The following MYH7B variants were observed in gnomAD, a reference collection of about 807,000 sequenced individuals.
MYH7B encodes the protein myosin-7B.
MYH7B carries 205 observed loss-of-function variants against 234.5 expected under a neutral mutation model. The observed-to-expected ratio is 0.87, with a 90% CI of 0.78 to 0.98. MYH7B has a LOEUF of 0.98. MYH7B is among the 50% of genes least tolerant of loss of function. The pLI is 0.00. For synonymous variants in MYH7B, 1,193 were observed against 1,105.0 expected, an observed-to-expected ratio of 1.08 and a Z score of -1.58; for missense variants, 2,652 against 2,633.4, an observed-to-expected ratio of 1.01 and a Z score of -0.15.
At position 35,001,327 on chromosome 20, in the gene MYH7B, G is replaced by A. The variant is rs528021411; in HGVS notation, c.5558G>A (p.Arg1853His). Reference sequence around the variant, plus strand: ...AAGGGCGTGCGCAAGCATGAGCGCCGTGTCAAGGAGCTCGCATACCAGGTG... The same window carrying A: ...AAGGGCGTGCGCAAGCATGAGCGCCATGTCAAGGAGCTCGCATACCAGGTG... Residue 1853 changes from arginine (R) to histidine (H), a missense_variant, in exon 42 of 45, where the codon CGT becomes CAT. This residue lies in a region of MYH7B where 2,279 missense variants were observed against 2,211.4 expected (regional missense o/e 1.03). Coordinates refer to ENST00000262873, the Ensembl canonical transcript of MYH7B. 6.0e-5 allele frequency: 97 copies of A among 1,610,954 alleles called. No individual in the cohort carries two copies. Among genetic ancestry groups the A allele is most frequent in the Middle Eastern group, 1.7e-4 (1 of 6,052 alleles).
At position 34,999,598 on chromosome 20, in the gene MYH7B, TGA is replaced by T; in HGVS notation, c.4570_4571del (p.Leu1525GlnfsTer21). 1 of 1,612,302 alleles carries T rather than the reference TGA, an allele frequency of 6.2e-7. No homozygotes were observed. Among genetic ancestry groups the T allele is most frequent in the East Asian group, 2.2e-5 (1 of 44,840 alleles). The stretch of plus-strand genomic sequence containing the variant: ...GAGATCAGCGACCTCACAGACCAGG[TGA>T]GTCTCAGTGGGAAGAGCATCCAGGA... On this transcript the variant is annotated frameshift_variant, in exon 37 of 45. Transcript: ENST00000262873. LOFTEE classifies it high-confidence loss of function.
In MYH7B at chr20:34,983,022, G is replaced by T. The variant is rs564994400; in HGVS notation, c.624+467G>T. Among the ~76,000 whole-genome samples the T allele has an allele frequency of 2.6e-5, 4 of 152,298 alleles. No individual in the cohort carries two copies. The East Asian group carries it at 7.7e-4, about 29-fold the overall frequency. The stretch of plus-strand genomic sequence containing the variant: ...TTTTGTGCCTTGTGATTTCTGTACA[G>T]TTTTTGGAAATTTCTGAAACAATGG... On this transcript the variant is annotated intron_variant, in intron 10 of 44. Coordinates refer to ENST00000262873, the Ensembl canonical transcript of MYH7B.
intron 2 of MYH7B, among the ~76,000 whole-genome samples, chr20:34,968,885 T>G (rs1327344366): frequency 6.6e-6 from 1 of 152,190 alleles, no homozygotes; most frequent in Non-Finnish European, 1.5e-5. Context: ...CACAAGGGGC[T>G]GGGGGCGGGA....
exon 8 of MYH7B, chr20:34,980,715 C>T (rs1569035987): frequency 6.2e-7 from 1 of 1,614,170 alleles, no homozygotes; most frequent in Admixed American, 1.7e-5. Context: ...CGGACAACGC[C>T]TACAACGACA....
chr20:34,987,060 C>G, intron 15 of MYH7B, 71 bp downstream of exon 15: 1 of 1,607,934 alleles, frequency 6.2e-7, no homozygotes, highest in Non-Finnish European at 8.5e-7. Flanking sequence ...CCGGTGCCCC[C>G]AGCTGCATGA....
intron 2 of MYH7B, among the ~76,000 whole-genome samples, chr20:34,967,106 G>T (rs187158233): frequency 2.0e-5 from 3 of 147,540 alleles, no homozygotes; most frequent in South Asian, 2.2e-4. Flanking sequence ...GCGCGCACCT[G>T]TAGTCCCAGC....
chr20:34,966,740 A>C (rs1284758054), intron 2 of MYH7B, among the ~76,000 whole-genome samples: 1 of 152,138 alleles, frequency 6.6e-6, no homozygotes, highest in Non-Finnish European at 1.5e-5. Flanking sequence ...GCGAATATAC[A>C]ATTATCTCAA....
chr20:34,986,269 A>C (rs1457422349), intron 14 of MYH7B, 71 bp downstream of exon 14: 1 of 1,234,004 alleles, frequency 8.1e-7, no homozygotes, highest in East Asian at 2.5e-5. Context: ...CCTGGCCCCC[A>C]TCAGGCCAGG....
intron 16 of MYH7B, 68 bp downstream of exon 16, chr20:34,987,355 C>A: frequency 6.3e-7 from 1 of 1,581,332 alleles, no homozygotes; most frequent in Non-Finnish European, 8.6e-7. Context: ...TGGTTAACCC[C>A]AACTCTTGTC....
chr20:34,997,971 C>T (rs75939406), intron 32 of MYH7B, among the ~76,000 whole-genome samples: 1,965 of 152,234 alleles, frequency 0.013, 32 homozygotes, highest in African/African-American at 0.045. Flanking sequence ...AACCCCAGCA[C>T]CCTAGCCTTA....
chr20:34,979,627 G>C (rs754471265), intron 6 of MYH7B, 34 bp from the exon 7 acceptor site: 3 of 1,613,098 alleles, frequency 1.9e-6, no homozygotes, highest in East Asian at 2.2e-5. Context: ...GGTTCCTCCC[G>C]GTCCCCCGGC....
At chr20:34,992,229 T>C (rs940287864) in intron 24 of MYH7B, among the ~76,000 whole-genome samples, 1 of 151,692 alleles carries the variant, frequency 6.6e-6, no homozygotes, top group African/African-American at 2.4e-5. Flanking sequence ...ACTAAAAATA[T>C]AAAAAAATTA....
In MYH7B at chr20:35,000,450, C is replaced by T; in HGVS notation, c.4939C>T (p.Gln1647Ter). Residue 1647 changes from glutamine to a stop codon, truncating the protein, a stop_gained, in exon 39 of 45, where the codon CAG becomes TAG. Transcript: ENST00000262873. LOFTEE classifies it high-confidence loss of function. ...TGCCACCCGTCAGGCCACAGAGGCC[C>T]AGGCTGCCACGCGGCTGATGCAGGC... 1.2e-6 allele frequency: 2 copies of T among 1,602,050 alleles called. No individual in the cohort carries two copies. Among genetic ancestry groups the T allele is most frequent in the Non-Finnish European group, 1.7e-6 (2 of 1,179,874 alleles).
intron 28 of MYH7B, among the ~76,000 whole-genome samples, chr20:34,995,913 C>T (rs6120788): frequency 0.18 from 27,514 of 152,266 alleles, 2,594 homozygotes; most frequent in Middle Eastern, 0.34. Flanking sequence ...CTCGGCATCC[C>T]GCAGGTGACT....
intron 2 of MYH7B, among the ~76,000 whole-genome samples, chr20:34,962,378 G>A (rs1386227593): frequency 6.6e-6 from 1 of 152,160 alleles, no homozygotes; most frequent in Non-Finnish European, 1.5e-5. Flanking sequence ...GTTTTCCAAA[G>A]TGGCAGCAAT....
In MYH7B at chr20:34,967,980, C is replaced by T. The variant is rs547608528; in HGVS notation, c.-221-7420C>T. Among the ~76,000 whole-genome samples, 29 of 152,336 alleles carry T rather than the reference C, an allele frequency of 1.9e-4. No individual in the cohort carries two copies. In the South Asian group the frequency reaches 6.0e-3, roughly 32 times the overall value. On this transcript the variant is annotated intron_variant, in intron 2 of 44. Transcript: ENST00000262873. ...CAAATTCCACCTACAGAGTGGCAGA[C>T]CCAAGGCTTCCCGCCATAGTACCCC...
chr20:34,971,241 T>G (rs2081791068), intron 2 of MYH7B, among the ~76,000 whole-genome samples: 1 of 152,170 alleles, frequency 6.6e-6, no homozygotes, highest in Admixed American at 6.5e-5. Context: ...ATGAGAGAGC[T>G]GGTTGGCATG....
chr20:35,000,654 G>A (rs1340063400), exon 39 of MYH7B: 2 of 1,583,568 alleles, frequency 1.3e-6, no homozygotes, highest in Non-Finnish European at 1.7e-6. Context: ...GGAGCTTTTG[G>A]AGGCCACCGA....
At chr20:34,986,852 G>C (rs756827264) in intron 14 of MYH7B, 34 bp from the exon 15 acceptor site, 12 of 1,565,016 alleles carry the variant, frequency 7.7e-6, no homozygotes, top group Non-Finnish European at 4.4e-6. Flanking sequence ...GGTAAGCACT[G>C]CCTGACCCTC....
Sources: allele counts gnomAD v4.1 joint callset (sites outside exome capture counted in the v4.1 genomes callset), GRCh38; gene constraint gnomAD v4.1.1; regional missense constraint gnomAD v4.1.1; transcripts MANE v1.5; gene names NCBI Gene and HGNC (gene_info 2026-07-23, HGNC 2026-07-21).